ARAP2: variants seen among roughly 807,000 people sequenced by gnomAD.
ARAP2 encodes the protein arf-GAP with Rho-GAP domain, ANK repeat and PH domain-containing protein 2.
Under a neutral mutation model 194.5 loss-of-function variants are expected in ARAP2, and 148 were observed. The observed-to-expected ratio is 0.76, with a 90% CI of 0.67 to 0.87. ARAP2 has a LOEUF of 0.87. Ranked by LOEUF, ARAP2 falls within the 40% of genes least tolerant of loss-of-function variation. The probability of loss-of-function intolerance (pLI) is 0.00; values close to 1 mark genes in which losing one functional copy is unlikely to be tolerated. For synonymous variants in ARAP2, 695 were observed against 683.5 expected (o/e 1.02, Z -0.26); for missense variants, 2,128 against 1,989.7 (o/e 1.07, Z -1.32).
At chr4:36,116,980 A>C (rs1721507467) in intron 25 of ARAP2, 81 bp downstream of exon 25, 1 of 878,822 alleles carries the variant, frequency 1.1e-6, no homozygotes, top group Non-Finnish European at 1.6e-6. Flanking sequence ...AAATATAATA[A>C]TGGAAAATTC....
At chr4:36,028,258 T>C (rs1577583995) in intron 5 of ARAP2, among the ~76,000 whole-genome samples, 1 of 152,158 alleles carries the variant, frequency 6.6e-6, no homozygotes, top group African/African-American at 2.4e-5. Context: ...TATGTAGCGT[T>C]ATAATTATGA....
At chr4:36,105,038 A>C (rs1053835560) in intron 27 of ARAP2, among the ~76,000 whole-genome samples, 10 of 151,966 alleles carry the variant, frequency 6.6e-5, no homozygotes, top group African/African-American at 2.4e-4. Flanking sequence ...AGTGACACAG[A>C]AGTTTACTGA....
At chr4:36,117,636 T>C (rs1345505186) in intron 24 of ARAP2, among the ~76,000 whole-genome samples, 1 of 151,674 alleles carries the variant, frequency 6.6e-6, no homozygotes, top group Admixed American at 6.6e-5. Flanking sequence ...AAATTGAACT[T>C]TGAGGATAAA....
chr4:36,042,657 A>T (rs994011557), intron 5 of ARAP2, among the ~76,000 whole-genome samples: 2 of 152,174 alleles, frequency 1.3e-5, no homozygotes, highest in Non-Finnish European at 2.9e-5. Flanking sequence ...TGAAAAGATA[A>T]ATGTTTATCT....
chr4:36,125,383 T>C (rs143715580), intron 21 of ARAP2, among the ~76,000 whole-genome samples: 4 of 152,114 alleles, frequency 2.6e-5, no homozygotes, highest in African/African-American at 9.6e-5. Context: ...TTATCATTTG[T>C]ATTTGAAAAT....
intron 31 of ARAP2, among the ~76,000 whole-genome samples, chr4:36,078,860 TC>T (rs1248138676): frequency 6.6e-6 from 1 of 152,002 alleles, no homozygotes; most frequent in Non-Finnish European, 1.5e-5. Flanking sequence ...TCAAATCCAG[TC>T]TTTTGTTTTT....
intron 9 of ARAP2, among the ~76,000 whole-genome samples, chr4:36,177,536 G>C (rs570021467): frequency 2.6e-5 from 4 of 151,932 alleles, no homozygotes; most frequent in Admixed American, 6.6e-5. Context: ...TCATGTAGTC[G>C]TACAATGTCA....
At chr4:36,206,325 T>C (rs1745531010) in intron 6 of ARAP2, among the ~76,000 whole-genome samples, 1 of 152,200 alleles carries the variant, frequency 6.6e-6, no homozygotes, top group African/African-American at 2.4e-5. Context: ...GCTTTTTCAC[T>C]TTCCCTAGTT....
chr4:36,229,041 G>A lies in ARAP2; in HGVS notation c.446C>T (p.Pro149Leu), dbSNP rs1750923663. Residue 149 changes from proline (P) to leucine (L), a missense_variant, in exon 2 of 33, where the codon CCT becomes CTT. Transcript: ENST00000303965. ...YPQSDDKLSP[P>L]KRDFPTAEEP... ...CTCTGCAGTGGGGAAGTCGCGTTTAGGAGGAGACAGCTTATCATCTGATTG... is the reference window on the plus strand; with the variant it reads ...CTCTGCAGTGGGGAAGTCGCGTTTAAGAGGAGACAGCTTATCATCTGATTG... 6.2e-7 allele frequency: 1 copy of A among 1,613,972 alleles called. No homozygotes were observed. The highest frequency in any genetic ancestry group is 1.7e-5 in the Admixed American group (1 of 59,968).
chr4:36,235,472 T>C (rs1013350880), intron 1 of ARAP2, among the ~76,000 whole-genome samples: 1 of 152,226 alleles, frequency 6.6e-6, no homozygotes, highest in African/African-American at 2.4e-5. Flanking sequence ...TCTGCTCAAA[T>C]GCGCCCTCTT....
intron 9 of ARAP2, among the ~76,000 whole-genome samples, chr4:36,171,740 GT>G (rs1189430744): frequency 6.6e-6 from 1 of 151,938 alleles, no homozygotes; most frequent in Non-Finnish European, 1.5e-5. Flanking sequence ...GCTAGCTCTT[GT>G]TATTATTATT....
chr4:36,079,838 A>G (rs1242657292), intron 31 of ARAP2, among the ~76,000 whole-genome samples: 1 of 152,130 alleles, frequency 6.6e-6, no homozygotes, highest in African/African-American at 2.4e-5. Flanking sequence ...AGGGGTGGAG[A>G]GAGTGGGAGA....
chr4:36,052,034 G>A (rs543318441), exon 3 of ARAP2: 1 of 152,290 alleles, frequency 6.6e-6, no homozygotes, highest in South Asian at 2.1e-4. Context: ...TCTAGCGCTT[G>A]CTGTTAGAAC....
At chr4:36,102,995 G>A (rs1175467638) in intron 27 of ARAP2, among the ~76,000 whole-genome samples, 1 of 151,488 alleles carries the variant, frequency 6.6e-6, no homozygotes, top group African/African-American at 2.4e-5. Context: ...TACATCTTTG[G>A]CTTTAAGAAA....
chr4:36,244,748 T>C (rs1221252881), upstream of ARAP2, among the ~76,000 whole-genome samples: 1 of 152,104 alleles, frequency 6.6e-6, no homozygotes, highest in East Asian at 1.9e-4. Flanking sequence ...GACAGGGGCA[T>C]TACCCACCTT....
intron 19 of ARAP2, among the ~76,000 whole-genome samples, chr4:36,136,806 T>TGA (rs1726849802): frequency 1.6e-5 from 2 of 128,336 alleles, no homozygotes; most frequent in East Asian, 5.2e-4. Context: ...TGTGTGTGTG[T>TGA]GTGTGTGTGT....
intron 12 of ARAP2, 25 bp downstream of exon 12, chr4:36,161,440 C>G (rs760067026): frequency 1.3e-6 from 2 of 1,593,054 alleles, no homozygotes; most frequent in Non-Finnish European, 1.7e-6. Flanking sequence ...CTATCACAAC[C>G]CCATTCAGGT....
chr4:36,101,203 G>A (rs1050300694), intron 27 of ARAP2, among the ~76,000 whole-genome samples: 4 of 151,944 alleles, frequency 2.6e-5, no homozygotes, highest in Non-Finnish European at 1.5e-5. Context: ...ACGACAAGCA[G>A]GTGGCAGGGG....
At chr4:36,122,790 C>T (rs1288490853) in intron 22 of ARAP2, among the ~76,000 whole-genome samples, 1 of 151,660 alleles carries the variant, frequency 6.6e-6, no homozygotes, top group African/African-American at 2.4e-5. Context: ...CTCCCTGAAG[C>T]ATCATCCCTA....
Sources: allele counts gnomAD v4.1 joint callset (sites outside exome capture counted in the v4.1 genomes callset), GRCh38; gene constraint gnomAD v4.1.1; transcripts MANE v1.5; gene names NCBI Gene and HGNC (gene_info 2026-07-23, HGNC 2026-07-21).